Variants in RGS6 observed in about 807,000 individuals in gnomAD.
RGS6 encodes regulator of G-protein signaling 6.
Under a neutral mutation model 78.5 loss-of-function variants are expected in RGS6, and 30 were observed. The observed-to-expected ratio is 0.38, with a 90% CI of 0.29 to 0.52. RGS6 has a LOEUF of 0.52. Among genes scored for constraint, RGS6 ranks in the 20% least tolerant of loss-of-function variants. RGS6 has a pLI of 0.85. For synonymous variants in RGS6, 206 were observed against 206.0 expected (o/e 1.00, Z 0.00); for missense variants, 495 against 609.7 (o/e 0.81, Z 1.98).
the RGS6 span, among the ~76,000 whole-genome samples, chr14:72,624,197 T>C: frequency 6.6e-6 from 1 of 152,184 alleles, no homozygotes; most frequent in Admixed American, 6.5e-5. Flanking sequence ...CAGAGAATTG[T>C]ACTCACTGTG....
intron 2 of RGS6, among the ~76,000 whole-genome samples, chr14:72,007,135 G>A (rs2084723225): frequency 1.4e-5 from 2 of 141,016 alleles, no homozygotes; most frequent in South Asian, 2.5e-4. Flanking sequence ...TAACCAGAGT[G>A]CTGAAAGTGC....
chr14:72,284,192 C>T (rs1043626614), intron 2 of RGS6, among the ~76,000 whole-genome samples: 1 of 152,172 alleles, frequency 6.6e-6, no homozygotes, highest in South Asian at 2.1e-4. Context: ...CCTGATGACG[C>T]AGTAGAAAAA....
chr14:72,431,525 ATTTAT>A (rs56081815), intron 3 of RGS6, among the ~76,000 whole-genome samples: 1,929 of 147,616 alleles, frequency 0.013, 30 homozygotes, highest in East Asian at 0.053. Flanking sequence ...ATTTTGTTTT[ATTTAT>A]TTTATTTTAT....
At chr14:72,023,174 CA>C (rs1477215667) in intron 2 of RGS6, among the ~76,000 whole-genome samples, 11 of 152,208 alleles carry the variant, frequency 7.2e-5, no homozygotes, top group African/African-American at 2.4e-4. Context: ...CTTACATATC[CA>C]AAATGAGTCT....
chr14:72,492,582 G>A (rs558129942), intron 12 of RGS6, among the ~76,000 whole-genome samples: 17 of 152,280 alleles, frequency 1.1e-4, no homozygotes, highest in Middle Eastern at 3.4e-3. Context: ...GGGAGACGGG[G>A]GCAGGAGAGA....
chr14:72,541,144 T>C (rs1206532351), intron 17 of RGS6: 1 of 1,372,180 alleles, frequency 7.3e-7, no homozygotes, highest in Non-Finnish European at 9.6e-7. Context: ...CCACATTCCC[T>C]TCCCAAAGGG....
At chr14:72,085,661 C>G (rs1163092698) in intron 2 of RGS6, among the ~76,000 whole-genome samples, 5 of 152,038 alleles carry the variant, frequency 3.3e-5, no homozygotes, top group Non-Finnish European at 7.4e-5. Context: ...CAAGACCAGC[C>G]TGGCCAACAT....
intron 2 of RGS6, among the ~76,000 whole-genome samples, chr14:72,192,916 G>C (rs1456105818): frequency 1.3e-5 from 2 of 151,674 alleles, no homozygotes; most frequent in African/African-American, 4.8e-5. Flanking sequence ...TCAGTATAAG[G>C]ACCCAAAACA....
At chr14:72,417,887 C>G (rs1400689988) in intron 3 of RGS6, among the ~76,000 whole-genome samples, 1 of 152,184 alleles carries the variant, frequency 6.6e-6, no homozygotes, top group African/African-American at 2.4e-5. Context: ...ATTTCACATC[C>G]TTTTATACCC....
chr14:72,597,359 G>C, the RGS6 span, among the ~76,000 whole-genome samples: 4 of 152,202 alleles, frequency 2.6e-5, no homozygotes, highest in Admixed American at 6.5e-5. Flanking sequence ...CGTTGTAAAG[G>C]CTCAGTAGCT....
At chr14:72,062,542 T>C (rs1192805108) in intron 2 of RGS6, among the ~76,000 whole-genome samples, 1 of 152,196 alleles carries the variant, frequency 6.6e-6, no homozygotes, top group Non-Finnish European at 1.5e-5. Context: ...AGTTGGCAAG[T>C]GTGGTGGTTG....
chr14:71,868,347 C>T, the RGS6 span, among the ~76,000 whole-genome samples: 9 of 152,156 alleles, frequency 5.9e-5, no homozygotes, highest in African/African-American at 1.7e-4. Flanking sequence ...TGGGCTTAAA[C>T]TGACATGTCT....
At chr14:72,621,279 A>G in the RGS6 span, among the ~76,000 whole-genome samples, 1 of 152,132 alleles carries the variant, frequency 6.6e-6, no homozygotes, top group Non-Finnish European at 1.5e-5. Flanking sequence ...TCATCACTGC[A>G]TCCACTGTAG....
chr14:72,100,340 C>T (rs2095502014), intron 2 of RGS6, among the ~76,000 whole-genome samples: 1 of 151,672 alleles, frequency 6.6e-6, no homozygotes, highest in African/African-American at 2.4e-5. Context: ...CCTCCTCTCT[C>T]CTAAATTAGC....
At chr14:72,430,269 CT>C (rs2153157450) in intron 3 of RGS6, among the ~76,000 whole-genome samples, 1 of 152,336 alleles carries the variant, frequency 6.6e-6, no homozygotes, top group Non-Finnish European at 1.5e-5. Flanking sequence ...TGTATTATCT[CT>C]TCTCTAACAT....
At chr14:72,064,870 A>G (rs2094065116) in intron 2 of RGS6, among the ~76,000 whole-genome samples, 1 of 152,214 alleles carries the variant, frequency 6.6e-6, no homozygotes, top group Non-Finnish European at 1.5e-5. Flanking sequence ...TTGAAAACAT[A>G]AAAATGGTGA....
At chr14:72,209,901 G>C (rs1165997930) in intron 2 of RGS6, among the ~76,000 whole-genome samples, 1 of 152,214 alleles carries the variant, frequency 6.6e-6, no homozygotes, top group East Asian at 1.9e-4. Context: ...TACATAAGTA[G>C]ACTGACCAGT....
intron 2 of RGS6, among the ~76,000 whole-genome samples, chr14:72,017,357 CAG>C: frequency 6.6e-6 from 1 of 152,298 alleles, no homozygotes; most frequent in Non-Finnish European, 1.5e-5. Flanking sequence ...ATTATGCAGA[CAG>C]ATAAAATCTT....
rs766352167 is a variant in RGS6, at chr14:71,948,738, C to CTTTTT, written c.-21+15798_-21+15799insTTTTT. 9.2e-4 allele frequency among the ~76,000 whole-genome samples: 69 copies of CTTTTT among 75,210 alleles called. 13 individuals carry two copies. The highest frequency in any genetic ancestry group is 3.0e-3 in the African/African-American group (45 of 15,138). The allele number at this position is 75,210 out of a possible 152,430, so 49.3% of individuals were successfully genotyped here. ...AAGCTGATTTCCTTTCTCTCTCTCT[C>CTTTTT]TCTTTTTTTTTTTTTTTTTTTTTTT... On this transcript the variant is annotated intron_variant, in intron 1 of 17. Transcript: ENST00000553525.
Sources: gnomAD v4.1 joint callset for allele counts (sites outside exome capture counted in the v4.1 genomes callset) on GRCh38, gnomAD v4.1.1 for gene constraint, MANE v1.5 for transcripts, NCBI Gene and HGNC (gene_info 2026-07-23, HGNC 2026-07-21) for gene names.